MEIS1: variants seen among roughly 807,000 people sequenced by gnomAD.
The protein encoded by MEIS1 is homeobox protein Meis1.
In MEIS1, 5 loss-of-function variants were observed where a neutral mutation model predicts 50.8. The observed-to-expected ratio is 0.10, with a 90% CI of 0.05 to 0.21. MEIS1 has a LOEUF of 0.21. Among genes scored for constraint, MEIS1 ranks in the 10% least tolerant of loss-of-function variants. The pLI, the probability that MEIS1 is intolerant of heterozygous loss-of-function variation, is 1.00. For missense variants in MEIS1, 318 were observed against 517.3 expected (o/e 0.61, Z 3.74); for synonymous variants, 176 against 179.3 (o/e 0.98, Z 0.15).
chr2:66,464,866 A>G (rs1672598278), intron 7 of MEIS1, among the ~76,000 whole-genome samples: 1 of 152,224 alleles, frequency 6.6e-6, no homozygotes, highest in African/African-American at 2.4e-5. Context: ...CTAGTAGGAA[A>G]TAAAGTTTAA....
At chr2:66,477,903 G>A (rs1373197156) in intron 7 of MEIS1, among the ~76,000 whole-genome samples, 2 of 152,186 alleles carry the variant, frequency 1.3e-5, no homozygotes, top group Admixed American at 1.3e-4. Flanking sequence ...ATTAGAAACA[G>A]TATACCGTTA....
At chr2:66,532,722 T>C (rs1168813721) in intron 8 of MEIS1, among the ~76,000 whole-genome samples, 1 of 152,214 alleles carries the variant, frequency 6.6e-6, no homozygotes, top group Non-Finnish European at 1.5e-5. Context: ...AGTTCCTCAT[T>C]TGGCATCATC....
intron 6 of MEIS1, among the ~76,000 whole-genome samples, chr2:66,451,723 A>G (rs921685178): frequency 6.6e-6 from 1 of 152,026 alleles, no homozygotes; most frequent in Non-Finnish European, 1.5e-5. Context: ...AATTTCTGAA[A>G]TTCTAAAGGC....
chr2:66,453,191 T>C (rs1032238072), intron 6 of MEIS1, among the ~76,000 whole-genome samples: 1 of 152,076 alleles, frequency 6.6e-6, no homozygotes, highest in East Asian at 1.9e-4. Flanking sequence ...GTAAAGAACA[T>C]GCCAATAGAA....
At chr2:66,485,473 A>G (rs368305601) in intron 7 of MEIS1, among the ~76,000 whole-genome samples, 1 of 152,258 alleles carries the variant, frequency 6.6e-6, no homozygotes, top group East Asian at 1.9e-4. Context: ...CATGGTGTGT[A>G]TGTGCCACAT....
At chr2:66,526,875 T>A (rs1331637743) in intron 8 of MEIS1, among the ~76,000 whole-genome samples, 2 of 152,196 alleles carry the variant, frequency 1.3e-5, no homozygotes, top group African/African-American at 4.8e-5. Flanking sequence ...CATTTACTTC[T>A]CTCATTGAGC....
intron 8 of MEIS1, among the ~76,000 whole-genome samples, chr2:66,539,584 C>T (rs942316051): frequency 3.9e-5 from 6 of 152,250 alleles, no homozygotes; most frequent in African/African-American, 7.2e-5. Context: ...GCTCAAGTTT[C>T]GTCATCTATC....
At chr2:66,456,494 G>A in intron 6 of MEIS1, among the ~76,000 whole-genome samples, 1 of 152,226 alleles carries the variant, frequency 6.6e-6, no homozygotes, top group East Asian at 1.9e-4. Flanking sequence ...AGTGTGGTGT[G>A]TTGGTGAAAG....
In MEIS1 at chr2:66,534,491, G is replaced by A. The variant is rs1257089026; in HGVS notation, c.889-13452G>A. ...AGAGGTTGCAGTGAGCCAAGATTGT[G>A]CCACTGCGCTTCAGCCTGGGCAACA... On this transcript the variant is annotated intron_variant, in intron 8 of 12. Transcript: ENST00000272369. 2.6e-5 allele frequency among the ~76,000 whole-genome samples: 4 copies of A among 152,040 alleles called. No homozygotes were observed. In the East Asian group the frequency reaches 7.7e-4, roughly 29 times the overall value.
chr2:66,486,525 G>A (rs1673146895), intron 7 of MEIS1, among the ~76,000 whole-genome samples: 2 of 152,272 alleles, frequency 1.3e-5, no homozygotes, highest in Admixed American at 6.5e-5. Flanking sequence ...TTGAAGTCAG[G>A]TAGTGTGATG....
chr2:66,491,738 C>G (rs1044939337), intron 7 of MEIS1, among the ~76,000 whole-genome samples: 2 of 152,182 alleles, frequency 1.3e-5, no homozygotes, highest in Admixed American at 6.5e-5. Flanking sequence ...TCAAAACTGA[C>G]TTGACAGCCA....
intron 9 of MEIS1, among the ~76,000 whole-genome samples, chr2:66,566,121 A>T (rs74655974): frequency 0.015 from 2,314 of 152,312 alleles, 61 homozygotes; most frequent in African/African-American, 0.053. Context: ...TTCATATACA[A>T]GAACTGATAT....
intron 6 of MEIS1, among the ~76,000 whole-genome samples, chr2:66,453,565 C>G (rs1474967974): frequency 6.6e-6 from 1 of 152,082 alleles, no homozygotes; most frequent in East Asian, 1.9e-4. Context: ...AGGGAATAAT[C>G]TTTTCCCAAC....
chr2:66,556,106 A>G (rs1675057927), intron 9 of MEIS1, among the ~76,000 whole-genome samples: 1 of 152,254 alleles, frequency 6.6e-6, no homozygotes, highest in Admixed American at 6.5e-5. Context: ...TTTGGCAAAT[A>G]TAAGGCTGTC....
intron 8 of MEIS1, among the ~76,000 whole-genome samples, chr2:66,518,963 T>C (rs1674041878): frequency 6.6e-6 from 1 of 152,240 alleles, no homozygotes; most frequent in Non-Finnish European, 1.5e-5. Context: ...ATCCTAGGAC[T>C]GAACTGGTAA....
At chr2:66,507,705 G>A (rs1291867315) in intron 7 of MEIS1, among the ~76,000 whole-genome samples, 1 of 152,182 alleles carries the variant, frequency 6.6e-6, no homozygotes, top group Non-Finnish European at 1.5e-5. Context: ...TTGACCTGCC[G>A]GAGAGGAGCC....
At chr2:66,528,190 A>G (rs1280823870) in intron 8 of MEIS1, among the ~76,000 whole-genome samples, 2 of 152,166 alleles carry the variant, frequency 1.3e-5, no homozygotes, top group African/African-American at 4.8e-5. Flanking sequence ...AGATCCAGAG[A>G]GTGCCAAGAG....
At chr2:66,569,319 A>C in intron 12 of MEIS1, 174 bp downstream of exon 12, 1 of 551,232 alleles carries the variant, frequency 1.8e-6, no homozygotes, top group Non-Finnish European at 3.2e-6. Flanking sequence ...TTAAGCTTAT[A>C]AATACTGTGT....
intron 8 of MEIS1, among the ~76,000 whole-genome samples, chr2:66,547,430 A>ATGTG (rs150125920): frequency 4.7e-4 from 71 of 151,034 alleles, no homozygotes; most frequent in African/African-American, 1.7e-3. Flanking sequence ...TGAATAGTGT[A>ATGTG]TGTGTGTGTG....
Sources: allele counts gnomAD v4.1 joint callset (sites outside exome capture counted in the v4.1 genomes callset), GRCh38; gene constraint gnomAD v4.1.1; transcripts MANE v1.5; gene names NCBI Gene and HGNC (gene_info 2026-07-23, HGNC 2026-07-21).